CAMK1D: variants seen among roughly 807,000 people sequenced by gnomAD.
CAMK1D encodes calcium/calmodulin dependent protein kinase ID.
CAMK1D carries 9 observed loss-of-function variants against 47.7 expected under a neutral mutation model. The ratio of observed to expected loss-of-function variants is 0.19; its 90% CI spans 0.11 to 0.33. CAMK1D has a LOEUF of 0.33. Ranked by LOEUF, CAMK1D falls within the 10% of genes least tolerant of loss-of-function variation. The probability of loss-of-function intolerance (pLI) is 1.00; values close to 1 mark genes in which losing one functional copy is unlikely to be tolerated. For missense variants in CAMK1D, 291 were observed against 488.7 expected (o/e 0.60, Z 3.81); for synonymous variants, 184 against 184.9 (o/e 0.99, Z 0.04).
At chr10:12,795,502 G>A (rs1315898516) in intron 6 of CAMK1D, among the ~76,000 whole-genome samples, 1 of 152,228 alleles carries the variant, frequency 6.6e-6, no homozygotes, top group African/African-American at 2.4e-5. Context: ...AAGTCACGGA[G>A]CGCCTCATTC....
intron 5 of CAMK1D, 64 bp downstream of exon 5, chr10:12,769,863 C>T: frequency 6.3e-7 from 1 of 1,579,074 alleles, no homozygotes; most frequent in Non-Finnish European, 8.7e-7. Context: ...TGTGGTGTCA[C>T]CACGTGTCAA....
intron 3 of CAMK1D, among the ~76,000 whole-genome samples, chr10:12,699,014 A>T (rs1833407165): frequency 6.6e-6 from 1 of 151,992 alleles, no homozygotes; most frequent in Non-Finnish European, 1.5e-5. Flanking sequence ...AAGAAATCAG[A>T]AGGAGCCAAA....
chr10:12,746,656 C>T (rs11818124), intron 3 of CAMK1D, among the ~76,000 whole-genome samples: 39,028 of 151,970 alleles, frequency 0.26, 5,802 homozygotes, highest in African/African-American at 0.42. Context: ...CTGCCATCTG[C>T]TTTCCCTTCT....
chr10:12,781,265 G>T (rs1837479381), intron 5 of CAMK1D, among the ~76,000 whole-genome samples: 1 of 152,238 alleles, frequency 6.6e-6, no homozygotes, highest in African/African-American at 2.4e-5. Flanking sequence ...CACAAGAAAG[G>T]CTTGACTTAA....
rs115386668 is a variant in CAMK1D, at chr10:12,469,284, A to G, written c.93-83941A>G. On this transcript the variant is annotated intron_variant, in intron 1 of 10. Coordinates refer to ENST00000619168, the MANE Select transcript of CAMK1D (RefSeq NM_153498.4). ...TCTATAGTCTTGAATTAGACCCAGC[A>G]TTCTAGGTTAGAAGGTAGAGGTTCC... Among the ~76,000 whole-genome samples the G allele has an allele frequency of 1.4e-3, 218 of 152,182 alleles. 1 individual carries two copies. Among genetic ancestry groups the G allele is most frequent in the African/African-American group, 5.1e-3 (212 of 41,540 alleles).
chr10:12,573,333 A>G (rs895150961), intron 2 of CAMK1D, among the ~76,000 whole-genome samples: 7 of 152,016 alleles, frequency 4.6e-5, no homozygotes, highest in African/African-American at 1.7e-4. Flanking sequence ...GATGGAGACG[A>G]TGATGGAGAC....
At chr10:12,578,567 T>A (rs1837564747) in intron 2 of CAMK1D, among the ~76,000 whole-genome samples, 2 of 20,438 alleles carry the variant, frequency 9.8e-5, no homozygotes, top group African/African-American at 8.0e-4. Flanking sequence ...CTAAACTCCA[T>A]CTCAAAAAAA....
intron 2 of CAMK1D, among the ~76,000 whole-genome samples, chr10:12,598,564 C>T (rs1242822658): frequency 2.0e-5 from 3 of 152,162 alleles, no homozygotes; most frequent in African/African-American, 7.2e-5. Context: ...ATTCAGGACA[C>T]CCCACTGAGA....
chr10:12,658,790 C>T lies in CAMK1D; in HGVS notation c.225-7946C>T, dbSNP rs955281187. On this transcript the variant is annotated intron_variant, in intron 2 of 10. Transcript: ENST00000619168. Reference sequence around the variant, plus strand: ...CTCCAGGGGAAACCACCTTCCCACTCCATTCCCCTTCTGGCCTCCCCTTCC... The same window carrying T: ...CTCCAGGGGAAACCACCTTCCCACTTCATTCCCCTTCTGGCCTCCCCTTCC... Among the ~76,000 whole-genome samples the T allele has an allele frequency of 5.3e-5, 8 of 152,158 alleles. No homozygotes were observed. The South Asian group carries it at 1.7e-3, about 32-fold the overall frequency.
chr10:12,493,176 C>A (rs1302786613), intron 1 of CAMK1D, among the ~76,000 whole-genome samples: 1 of 152,172 alleles, frequency 6.6e-6, no homozygotes, highest in Admixed American at 6.5e-5. Flanking sequence ...CTCAGGCTAC[C>A]CCAGGACAGG....
intron 1 of CAMK1D, among the ~76,000 whole-genome samples, chr10:12,400,327 A>T (rs1839131735): frequency 6.6e-6 from 1 of 152,182 alleles, no homozygotes; most frequent in Non-Finnish European, 1.5e-5. Flanking sequence ...TGCCGTTTAA[A>T]CTTCACTGTG....
At chr10:12,730,381 G>T (rs1335449567) in intron 3 of CAMK1D, among the ~76,000 whole-genome samples, 2 of 152,152 alleles carry the variant, frequency 1.3e-5, no homozygotes, top group Admixed American at 6.5e-5. Context: ...GCACCGATTT[G>T]GGGGGAAGAT....
chr10:12,809,194 G>C (rs913947725), intron 6 of CAMK1D, among the ~76,000 whole-genome samples: 1 of 152,118 alleles, frequency 6.6e-6, no homozygotes, highest in African/African-American at 2.4e-5. Context: ...GTGGGAAGTG[G>C]CATCTCCTTG....
Position 12,783,483 on chromosome 10 carries a change from G to A in CAMK1D, c.566-7675G>A, listed in dbSNP as rs191409060. Among the ~76,000 whole-genome samples the A allele has an allele frequency of 6.9e-4, 105 of 152,300 alleles. 2 individuals are homozygous for A. The highest frequency in any genetic ancestry group is 2.5e-3 in the African/African-American group (102 of 41,576). On this transcript the variant is annotated intron_variant, in intron 5 of 10. Coordinates refer to ENST00000619168, the MANE Select transcript of CAMK1D (RefSeq NM_153498.4). Reference sequence around the variant, plus strand: ...GAACGTGGGCTTCCTAGGAGGCTAAGGGCTTCGCCGTTTCCTCCACCCTCT... The same window carrying A: ...GAACGTGGGCTTCCTAGGAGGCTAAAGGCTTCGCCGTTTCCTCCACCCTCT...
Position 12,829,063 on chromosome 10 carries a change from T to G in CAMK1D, c.*176T>G, listed in dbSNP as rs1241514222. 7 of 567,410 alleles carry G rather than the reference T, an allele frequency of 1.2e-5. No individual in the cohort carries two copies. Among genetic ancestry groups the G allele is most frequent in the African/African-American group, 3.8e-5 (2 of 52,588 alleles). The allele number at this position is 567,410 out of a possible 1,614,324, so 35.1% of individuals were successfully genotyped here. On this transcript the variant is annotated 3_prime_UTR_variant, in exon 11 of 11. Transcript: ENST00000619168. ...TCTACTGCAATTCTGAAGTGTTCAT[T>G]TCTCACAAACTGTACTGACTCGAGG...
chr10:12,537,140 C>G (rs1241441428), intron 1 of CAMK1D, among the ~76,000 whole-genome samples: 1 of 152,004 alleles, frequency 6.6e-6, no homozygotes, highest in East Asian at 1.9e-4. Flanking sequence ...GGTGTGATCT[C>G]AGCTCACTGC....
At chr10:12,527,121 A>AT (rs1204277166) in intron 1 of CAMK1D, among the ~76,000 whole-genome samples, 1 of 151,956 alleles carries the variant, frequency 6.6e-6, no homozygotes, top group Non-Finnish European at 1.5e-5. Flanking sequence ...ATTTCTTGGG[A>AT]TTTTAGGGGC....
At chr10:12,494,713 T>C (rs2004401) in intron 1 of CAMK1D, among the ~76,000 whole-genome samples, 112,469 of 151,964 alleles carry the variant, frequency 0.74, 42,023 homozygotes, top group East Asian at 0.97. Flanking sequence ...TACAGGCATG[T>C]GCCACCACAC....
intron 1 of CAMK1D, among the ~76,000 whole-genome samples, chr10:12,420,875 A>G (rs964125990): frequency 6.6e-6 from 1 of 152,158 alleles, no homozygotes; most frequent in Non-Finnish European, 1.5e-5. Context: ...TCCAGTACTC[A>G]GACAAGGGGG....
Sources: gnomAD v4.1 joint callset for allele counts (sites outside exome capture counted in the v4.1 genomes callset) on GRCh38, gnomAD v4.1.1 for gene constraint, MANE v1.5 for transcripts, NCBI Gene and HGNC (gene_info 2026-07-23, HGNC 2026-07-21) for gene names.